The following ENTREP2 variants were observed in gnomAD, a reference collection of about 807,000 sequenced individuals.
ENTREP2 encodes the protein endosomal transmembrane epsin interactor 2, also known as protein ENTREP2.
the ENTREP2 span, among the ~76,000 whole-genome samples, chr15:29,336,838 T>C: frequency 3.3e-5 from 5 of 152,078 alleles, no homozygotes; most frequent in East Asian, 1.9e-4. Flanking sequence ...CCAGCACCCA[T>C]GAGAAAAGGA....
At chr15:29,608,802 C>T in the ENTREP2 span, among the ~76,000 whole-genome samples, 4 of 151,656 alleles carry the variant, frequency 2.6e-5, no homozygotes, top group Admixed American at 6.6e-5. Flanking sequence ...CTCCTGACCT[C>T]GTGATGCGCC....
chr15:29,147,148 TA>T, the ENTREP2 span, among the ~76,000 whole-genome samples: 91 of 152,320 alleles, frequency 6.0e-4, no homozygotes, highest in Middle Eastern at 6.8e-3. Flanking sequence ...ATATATCTGA[TA>T]AGGGGGTTGT....
At chr15:29,511,495 AT>A in the ENTREP2 span, among the ~76,000 whole-genome samples, 12 of 146,098 alleles carry the variant, frequency 8.2e-5, no homozygotes, top group Non-Finnish European at 7.6e-5. Context: ...TGTCCAGCTG[AT>A]TTTTTTTTTT....
chr15:29,456,874 C>T, the ENTREP2 span, among the ~76,000 whole-genome samples: 4 of 152,012 alleles, frequency 2.6e-5, no homozygotes, highest in Non-Finnish European at 4.4e-5. Context: ...ACTTGGTTAG[C>T]GTAAAAAGTC....
the ENTREP2 span, among the ~76,000 whole-genome samples, chr15:29,614,874 T>G: frequency 2.6e-5 from 4 of 151,364 alleles, no homozygotes; most frequent in African/African-American, 9.7e-5. Flanking sequence ...CTGGGCAACA[T>G]AGCAAGACCA....
chr15:29,218,864 T>A, the ENTREP2 span, among the ~76,000 whole-genome samples: 1 of 152,184 alleles, frequency 6.6e-6, no homozygotes, highest in Non-Finnish European at 1.5e-5. Flanking sequence ...ATAAAAATTA[T>A]AGAAGATAAC....
chr15:29,514,093 G>A, the ENTREP2 span, among the ~76,000 whole-genome samples: 1 of 152,314 alleles, frequency 6.6e-6, no homozygotes, highest in South Asian at 2.1e-4. Flanking sequence ...TAAAAAACAT[G>A]TAAGATTTAC....
chr15:29,652,521 G>A, the ENTREP2 span, among the ~76,000 whole-genome samples: 1 of 152,222 alleles, frequency 6.6e-6, no homozygotes, highest in Admixed American at 6.5e-5. Context: ...TGAAGAGTGG[G>A]AAAGAAGAGC....
At chr15:29,369,735 C>T in the ENTREP2 span, among the ~76,000 whole-genome samples, 1 of 152,162 alleles carries the variant, frequency 6.6e-6, no homozygotes, top group Non-Finnish European at 1.5e-5. Context: ...TTGTCCCAGT[C>T]AAAACTCAGG....
chr15:29,479,337 T>C, the ENTREP2 span, among the ~76,000 whole-genome samples: 1 of 152,098 alleles, frequency 6.6e-6, no homozygotes, highest in Admixed American at 6.6e-5. Context: ...CAGAAGCAGA[T>C]GCCGCTATGC....
chr15:29,126,385 G>T, the ENTREP2 span: 1 of 1,546,034 alleles, frequency 6.5e-7, no homozygotes, highest in Non-Finnish European at 8.7e-7. Context: ...CAGGGGGAAG[G>T]GCAGGTTCGG....
At chr15:29,342,683 A>G in the ENTREP2 span, among the ~76,000 whole-genome samples, 264 of 152,300 alleles carry the variant, frequency 1.7e-3, no homozygotes, top group African/African-American at 5.8e-3. Context: ...CTGACATGGC[A>G]GGTGACATAC....
the ENTREP2 span, among the ~76,000 whole-genome samples, chr15:29,516,900 A>G: frequency 6.8e-6 from 1 of 146,718 alleles, no homozygotes; most frequent in Non-Finnish European, 1.5e-5. Flanking sequence ...ATTTATTCCT[A>G]GTAGGTTTTC....
chr15:29,157,527 G>T, the ENTREP2 span, among the ~76,000 whole-genome samples: 1 of 152,190 alleles, frequency 6.6e-6, no homozygotes, highest in Non-Finnish European at 1.5e-5. Flanking sequence ...AGCTGGCTGA[G>T]TGCCTTTTCT....
the ENTREP2 span, among the ~76,000 whole-genome samples, chr15:29,384,681 G>A: frequency 6.6e-6 from 1 of 152,026 alleles, no homozygotes; most frequent in Non-Finnish European, 1.5e-5. Flanking sequence ...AAGCCACAGA[G>A]CTCTGTGGGC....
the ENTREP2 span, among the ~76,000 whole-genome samples, chr15:29,657,477 G>GGGGGTC: frequency 2.9e-5 from 3 of 104,654 alleles, no homozygotes; most frequent in African/African-American, 1.2e-4. Flanking sequence ...CTGTCGGCTG[G>GGGGGTC]GGGGGCGGGG....
chr15:29,206,988 G>A, the ENTREP2 span, among the ~76,000 whole-genome samples: 2 of 152,214 alleles, frequency 1.3e-5, no homozygotes, highest in South Asian at 4.2e-4. Flanking sequence ...TAAACTCAGG[G>A]CCAACATAGA....
At chr15:29,630,740 T>A in the ENTREP2 span, among the ~76,000 whole-genome samples, 1 of 152,176 alleles carries the variant, frequency 6.6e-6, no homozygotes, top group Non-Finnish European at 1.5e-5. Flanking sequence ...CAGGCTGGAG[T>A]GCAGTGGCAT....
chr15:29,254,852 A>C, the ENTREP2 span, among the ~76,000 whole-genome samples: 5 of 152,216 alleles, frequency 3.3e-5, no homozygotes, highest in Admixed American at 2.6e-4. Context: ...CAAAACAAAC[A>C]AACAAACAAA....
Sources: gnomAD v4.1 joint callset for allele counts (sites outside exome capture counted in the v4.1 genomes callset) on GRCh38, gnomAD v4.1.1 for gene constraint, MANE v1.5 for transcripts, NCBI Gene and HGNC (gene_info 2026-07-23, HGNC 2026-07-21) for gene names.